ARHGAP6: variants seen among roughly 807,000 people sequenced by gnomAD.
ARHGAP6 encodes Rho GTPase activating protein 6.
A neutral mutation model predicts 55.7 loss-of-function variants in ARHGAP6; 16 were observed. That is an observed-to-expected ratio of 0.29 (90% CI 0.19 to 0.44). The LOEUF is 0.44. Ranked by LOEUF, ARHGAP6 falls within the 20% of genes least tolerant of loss-of-function variation. The pLI, the probability that ARHGAP6 is intolerant of heterozygous loss-of-function variation, is 1.00. For synonymous variants in ARHGAP6, 382 were observed against 360.9 expected, an observed-to-expected ratio of 1.06 and a Z score of -0.66; for missense variants, 698 against 808.9, an observed-to-expected ratio of 0.86 and a Z score of 1.66.
chrX:11,147,260 TATAC>T (rs758965291), intron 10 of ARHGAP6, among the ~76,000 whole-genome samples: 18 of 109,609 alleles, frequency 1.6e-4, no homozygotes, highest in South Asian at 3.9e-4. Context: ...CATAAACACA[TATAC>T]ACACACACAA....
At position 11,185,125 on chromosome X, in the gene ARHGAP6, C is replaced by T. The variant is rs375749182; in HGVS notation, c.1273+1111G>A. On this transcript the variant is annotated intron_variant, in intron 5 of 12. Coordinates refer to ENST00000337414, the MANE Select transcript of ARHGAP6 (RefSeq NM_013427.3). ...TGCAGTCAGTCAATGAGGGGAATGTCATTATGTGGTGCATGACTGTGTGTG... is the reference window on the plus strand; with the variant it reads ...TGCAGTCAGTCAATGAGGGGAATGTTATTATGTGGTGCATGACTGTGTGTG... Among the ~76,000 whole-genome samples the T allele has an allele frequency of 4.4e-4, 47 of 106,389 alleles. No individual in the cohort carries two copies. In the South Asian group the frequency reaches 0.019, roughly 43 times the overall value. The allele number at this position is 106,389 out of a possible 115,157, so 92.4% of individuals were successfully genotyped here.
At position 11,139,151 on chromosome X, in the gene ARHGAP6, C is replaced by T; in HGVS notation, c.2637G>A (p.Arg879=). 8.3e-7 allele frequency: 1 copy of T among 1,205,534 alleles called. No homozygotes were observed. The highest frequency in any genetic ancestry group is 1.1e-6 in the Non-Finnish European group (1 of 893,428). The change falls in exon 13 of 13, where the codon CGG becomes CGA. Residue 879 remains arginine (R), a synonymous_variant. Transcript: ENST00000337414. ...CTGGGCCCGGGTATGGAGGCGGGGG[C>T]CGCTTGTCATCCCTCCCACTCCCAT... is the stretch of plus-strand genomic sequence containing the variant. The part of the protein sequence containing the change: ...RPHGSGRDDK[R]PPPPYPGPGK...
intron 2 of ARHGAP6, among the ~76,000 whole-genome samples, chrX:11,254,198 A>G (rs2047462210): frequency 8.9e-6 from 1 of 112,096 alleles, no homozygotes; most frequent in Non-Finnish European, 1.9e-5. Context: ...GGTTATTTTG[A>G]AACCAAACTG....
At chrX:11,259,548 T>C (rs1218027853) in intron 1 of ARHGAP6, among the ~76,000 whole-genome samples, 1 of 112,182 alleles carries the variant, frequency 8.9e-6, no homozygotes, top group Non-Finnish European at 1.9e-5. Context: ...TCCTCCATTG[T>C]CAAAGAAAGA....
chrX:11,179,167 C>G (rs2046277465), intron 7 of ARHGAP6, 135 bp downstream of exon 7: 1 of 619,798 alleles, frequency 1.6e-6, no homozygotes, highest in Non-Finnish European at 2.4e-6. Flanking sequence ...GAAATTCCCT[C>G]AAATAGCTCA....
In ARHGAP6 at chrX:11,278,640, A is replaced by G. The variant is rs774345711; in HGVS notation, c.589-23933T>C. Among the ~76,000 whole-genome samples, 5 of 111,916 alleles carry G rather than the reference A, an allele frequency of 4.5e-5. No homozygotes were observed. The South Asian group carries it at 1.9e-3, about 42-fold the overall frequency. ...ATTCAAAAGAAATCAGAATATTTTT[A>G]TGCCTGCAAGGGACACATACATTAT... On this transcript the variant is annotated intron_variant, in intron 1 of 12. Coordinates refer to ENST00000337414, the MANE Select transcript of ARHGAP6 (RefSeq NM_013427.3).
chrX:11,535,971 T>C (rs1323193554), intron 1 of ARHGAP6, among the ~76,000 whole-genome samples: 7 of 112,299 alleles, frequency 6.2e-5, no homozygotes, highest in Non-Finnish European at 9.4e-5. Context: ...CATTCACCAT[T>C]TATTCATCAT....
chrX:11,373,079 TCACACACACACACAAACACA>T (rs1289824353), intron 1 of ARHGAP6, among the ~76,000 whole-genome samples: 2 of 79,498 alleles, frequency 2.5e-5, no homozygotes, highest in Non-Finnish European at 4.6e-5. Flanking sequence ...TCTATTTTTT[TCACACACACACACAAACACA>T]CACACACACA....
chrX:11,591,177 G>A (rs1023000819), intron 1 of ARHGAP6, among the ~76,000 whole-genome samples: 1 of 108,376 alleles, frequency 9.2e-6, no homozygotes, highest in Non-Finnish European at 1.9e-5. Context: ...GGGTGACAGA[G>A]CAAGACTCGT....
intron 1 of ARHGAP6, among the ~76,000 whole-genome samples, chrX:11,442,550 A>G (rs2050050285): frequency 8.9e-6 from 1 of 111,821 alleles, no homozygotes; most frequent in African/African-American, 3.3e-5. Context: ...GACTAAACAG[A>G]AACGGGGGAA....
At chrX:11,226,099 G>A (rs750149579) in intron 2 of ARHGAP6, among the ~76,000 whole-genome samples, 31 of 108,575 alleles carry the variant, frequency 2.9e-4, no homozygotes, top group Non-Finnish European at 4.8e-4. Flanking sequence ...TGCTGCACCC[G>A]TTAACTCGTC....
At chrX:11,643,812 T>C (rs1054546513) in intron 1 of ARHGAP6, among the ~76,000 whole-genome samples, 1 of 111,259 alleles carries the variant, frequency 9.0e-6, no homozygotes, top group Non-Finnish European at 1.9e-5. Context: ...CTTCCTCTCT[T>C]ACAACTCTGC....
At chrX:11,384,189 C>T (rs749729674) in intron 1 of ARHGAP6, among the ~76,000 whole-genome samples, 3 of 111,600 alleles carry the variant, frequency 2.7e-5, no homozygotes, top group Non-Finnish European at 5.7e-5. Context: ...ACACGATGTG[C>T]CCCCGGGTAG....
chrX:11,521,524 T>C (rs1162941526), intron 1 of ARHGAP6, among the ~76,000 whole-genome samples: 1 of 112,099 alleles, frequency 8.9e-6, no homozygotes, highest in Admixed American at 9.5e-5. Flanking sequence ...TGTATCTCTG[T>C]TTTGGTATCA....
At position 11,208,917 on chromosome X, in the gene ARHGAP6, G is replaced by A. The variant is rs143046052; in HGVS notation, c.749-11921C>T. On this transcript the variant is annotated intron_variant, in intron 2 of 12. Coordinates refer to ENST00000337414, the MANE Select transcript of ARHGAP6 (RefSeq NM_013427.3). ...GCTGCTGAAAAACTGTAATTCTTTT[G>A]GGGAGAAATTAATAATGTAGCTTAA... 2.9e-3 allele frequency among the ~76,000 whole-genome samples: 320 copies of A among 111,740 alleles called. 1 individual carries two copies. Among genetic ancestry groups the A allele is most frequent in the African/African-American group, 0.01 (309 of 30,755 alleles).
Position 11,462,922 on chromosome X carries a change from G to A in ARHGAP6, c.588+201319C>T, listed in dbSNP as rs773469817. On this transcript the variant is annotated intron_variant, in intron 1 of 12. Transcript: ENST00000337414. ...AATGGCTTTTAAAAGGTAGTGGCGAGACCCTTGAAAGTACTTGAGTGTATT... is the reference window on the plus strand; with the variant it reads ...AATGGCTTTTAAAAGGTAGTGGCGAAACCCTTGAAAGTACTTGAGTGTATT... 3.7e-4 allele frequency among the ~76,000 whole-genome samples: 42 copies of A among 112,765 alleles called. 1 individual carries two copies. The highest frequency in any genetic ancestry group is 1.3e-3 in the African/African-American group (40 of 31,109).
chrX:11,392,174 A>G (rs1056705624), intron 1 of ARHGAP6, among the ~76,000 whole-genome samples: 3 of 111,805 alleles, frequency 2.7e-5, no homozygotes, highest in African/African-American at 9.8e-5. Context: ...AAGCTCAGTT[A>G]CTCCTCTGGA....
intron 1 of ARHGAP6, among the ~76,000 whole-genome samples, chrX:11,642,852 T>G (rs1285848002): frequency 9.0e-6 from 1 of 111,433 alleles, no homozygotes; most frequent in Non-Finnish European, 1.9e-5. Context: ...AAAAATGTCC[T>G]AAAATTAAAT....
At chrX:11,343,248 G>A (rs780532599) in intron 1 of ARHGAP6, among the ~76,000 whole-genome samples, 2 of 112,220 alleles carry the variant, frequency 1.8e-5, no homozygotes, top group Admixed American at 9.4e-5. Context: ...ATGTCTCAGT[G>A]AACTGGCATC....
Sources: gnomAD v4.1 joint callset for allele counts (sites outside exome capture counted in the v4.1 genomes callset) on GRCh38, gnomAD v4.1.1 for gene constraint, MANE v1.5 for transcripts, NCBI Gene and HGNC (gene_info 2026-07-23, HGNC 2026-07-21) for gene names.